CDH13: variants seen among roughly 807,000 people sequenced by gnomAD.
The protein encoded by CDH13 is cadherin 13.
In CDH13, 24 loss-of-function variants were observed where a neutral mutation model predicts 63.8. The observed-to-expected ratio is 0.38, with a 90% confidence interval of 0.27 to 0.53. The LOEUF is 0.53. Ranked by LOEUF, CDH13 falls within the 20% of genes least tolerant of loss-of-function variation. The probability of loss-of-function intolerance (pLI) is 0.85; values close to 1 mark genes in which losing one functional copy is unlikely to be tolerated. For synonymous variants in CDH13, 503 were observed against 355.3 expected, an observed-to-expected ratio of 1.42 and a Z score of -4.67; for missense variants, 1,049 against 903.1, an observed-to-expected ratio of 1.16 and a Z score of -2.07.
intron 2 of CDH13, among the ~76,000 whole-genome samples, chr16:83,011,816 T>G (rs1171661666): frequency 6.6e-6 from 1 of 152,234 alleles, no homozygotes; most frequent in Admixed American, 6.5e-5. Context: ...AGTGTTCAGT[T>G]CAGCAGAACA....
chr16:82,653,152 GA>G (rs1166487630), intron 1 of CDH13, among the ~76,000 whole-genome samples: 1 of 152,102 alleles, frequency 6.6e-6, no homozygotes, highest in Non-Finnish European at 1.5e-5. Context: ...GATACTTATT[GA>G]ACGGTTTTTC....
intron 5 of CDH13, among the ~76,000 whole-genome samples, chr16:83,266,476 A>G (rs1457224686): frequency 1.3e-5 from 2 of 152,232 alleles, no homozygotes; most frequent in Admixed American, 6.5e-5. Context: ...TAATTATAAC[A>G]TCTGTGTCCA....
chr16:82,825,147 A>C (rs989247893), intron 1 of CDH13: 2 of 152,172 alleles, frequency 1.3e-5, no homozygotes, highest in African/African-American at 4.8e-5. Context: ...ACTCTCCAAT[A>C]CTAAAAATTT....
At chr16:83,237,177 A>G (rs942166861) in intron 5 of CDH13, among the ~76,000 whole-genome samples, 4 of 152,202 alleles carry the variant, frequency 2.6e-5, no homozygotes, top group African/African-American at 9.6e-5. Context: ...TCAGTACACA[A>G]GAGAGGCCCT....
chr16:83,211,974 C>T (rs145086323), intron 4 of CDH13, among the ~76,000 whole-genome samples: 44 of 152,302 alleles, frequency 2.9e-4, no homozygotes, highest in African/African-American at 9.9e-4. Context: ...GAAGTTCTCG[C>T]TAACTGTGAA....
At chr16:83,101,171 C>T (rs1355822193) in intron 3 of CDH13, among the ~76,000 whole-genome samples, 1 of 151,348 alleles carries the variant, frequency 6.6e-6, no homozygotes, top group Non-Finnish European at 1.5e-5. Context: ...ATTTATATAT[C>T]ATTTGTCTCT....
chr16:83,050,400 A>C (rs965941793), intron 3 of CDH13, among the ~76,000 whole-genome samples: 1 of 152,136 alleles, frequency 6.6e-6, no homozygotes, highest in Admixed American at 6.5e-5. Context: ...AACCACTTTA[A>C]TTCCCAGCAG....
At chr16:82,654,749 A>G (rs558741380) in intron 1 of CDH13, among the ~76,000 whole-genome samples, 11 of 149,468 alleles carry the variant, frequency 7.4e-5, no homozygotes, top group Non-Finnish European at 1.6e-4. Flanking sequence ...TTTTTTTTTC[A>G]TATTCAGAAG....
chr16:83,122,283 G>A (rs925301921), intron 3 of CDH13, among the ~76,000 whole-genome samples: 14 of 152,166 alleles, frequency 9.2e-5, no homozygotes, highest in African/African-American at 3.1e-4. Context: ...CTTTCCATAG[G>A]CAACAGTTTC....
intron 1 of CDH13, among the ~76,000 whole-genome samples, chr16:82,658,811 A>G (rs901224246): frequency 6.6e-6 from 1 of 152,214 alleles, no homozygotes; most frequent in African/African-American, 2.4e-5. Flanking sequence ...ATAGATTTTA[A>G]AAGCCCATAG....
rs113044551 is a variant in CDH13, at chr16:83,117,655, T to C, written c.367-7730T>C. On this transcript the variant is annotated intron_variant, in intron 3 of 13. Coordinates refer to ENST00000567109, the MANE Select transcript of CDH13 (RefSeq NM_001257.5). The stretch of plus-strand genomic sequence containing the variant: ...AGAGAAAGGGCTTGGTTGATACGTT[T>C]TGAAGAAATGAATGAAAGAATGAAT... 2.2e-3 allele frequency among the ~76,000 whole-genome samples: 331 copies of C among 152,208 alleles called. 1 individual carries two copies. Among genetic ancestry groups the C allele is most frequent in the African/African-American group, 7.2e-3 (300 of 41,546 alleles).
intron 1 of CDH13, among the ~76,000 whole-genome samples, chr16:82,771,528 C>T (rs1183510694): frequency 6.6e-6 from 1 of 152,204 alleles, no homozygotes; most frequent in East Asian, 1.9e-4. Flanking sequence ...ACGACTCTTC[C>T]TCCCCGAAAG....
At chr16:83,683,108 C>G (rs1368146547) in intron 10 of CDH13, among the ~76,000 whole-genome samples, 2 of 152,202 alleles carry the variant, frequency 1.3e-5, no homozygotes, top group Admixed American at 1.3e-4. Flanking sequence ...GCCTTGATCT[C>G]CAAGGAACCT....
intron 3 of CDH13, among the ~76,000 whole-genome samples, chr16:83,074,769 A>G (rs557538663): frequency 4.1e-4 from 63 of 152,326 alleles, no homozygotes; most frequent in African/African-American, 1.5e-3. Context: ...CCATTTGCAG[A>G]AAAGGAAGCT....
chr16:82,893,785 G>A (rs1442311018), intron 2 of CDH13, among the ~76,000 whole-genome samples: 1 of 152,100 alleles, frequency 6.6e-6, no homozygotes, highest in African/African-American at 2.4e-5. Context: ...CTGGACCTCA[G>A]CTACTCTTCC....
chr16:83,561,795 A>G (rs1177927543), intron 7 of CDH13, among the ~76,000 whole-genome samples: 1 of 152,302 alleles, frequency 6.6e-6, no homozygotes, highest in Non-Finnish European at 1.5e-5. Context: ...GGTATCATCA[A>G]CTACAACATT....
intron 3 of CDH13, among the ~76,000 whole-genome samples, chr16:83,067,017 G>A (rs559647490): frequency 3.1e-4 from 47 of 152,130 alleles, no homozygotes; most frequent in Non-Finnish European, 4.3e-4. Context: ...TTGCCTCCAG[G>A]AGGCATCTTA....
chr16:83,087,056 G>A (rs1160986847), intron 3 of CDH13, among the ~76,000 whole-genome samples: 1 of 152,316 alleles, frequency 6.6e-6, no homozygotes, highest in Non-Finnish European at 1.5e-5. Context: ...CCACAAGTCA[G>A]CAGTTGCCAT....
At chr16:83,164,000 T>A (rs1461276376) in intron 4 of CDH13, among the ~76,000 whole-genome samples, 1 of 152,028 alleles carries the variant, frequency 6.6e-6, no homozygotes. Flanking sequence ...TTGCAAACAT[T>A]ATCTAATTTA....
Sources: gnomAD v4.1 joint callset for allele counts (sites outside exome capture counted in the v4.1 genomes callset) on GRCh38, gnomAD v4.1.1 for gene constraint, MANE v1.5 for transcripts, NCBI Gene and HGNC (gene_info 2026-07-23, HGNC 2026-07-21) for gene names.